The following NRXN2 variants were observed in gnomAD, a reference collection of about 807,000 sequenced individuals.
The protein encoded by NRXN2 is neurexin 2.
NRXN2 carries 29 observed loss-of-function variants against 128.8 expected under a neutral mutation model. The ratio of observed to expected loss-of-function variants is 0.23; its 90% confidence interval spans 0.17 to 0.31. The LOEUF (loss-of-function observed/expected upper bound fraction) is 0.31. Among genes scored for constraint, NRXN2 ranks in the 10% least tolerant of loss-of-function variants. The probability of loss-of-function intolerance (pLI) is 1.00; values close to 1 mark genes in which losing one functional copy is unlikely to be tolerated. For missense variants in NRXN2, 1,881 were observed against 2,452.6 expected (o/e 0.77, Z 4.92); for synonymous variants, 1,098 against 1,075.2 (o/e 1.02, Z -0.41).
chr11:64,673,936 G>A (rs1307707160), intron 7 of NRXN2, among the ~76,000 whole-genome samples: 2 of 151,692 alleles, frequency 1.3e-5, no homozygotes, highest in African/African-American at 4.8e-5. Context: ...TACTCAGGAG[G>A]CTGAGGCATA....
In NRXN2 at chr11:64,692,996, A is replaced by G. The variant is rs968284749; in HGVS notation, c.749-120T>C. On this transcript the variant is annotated intron_variant, in intron 3 of 22. Transcript: ENST00000265459. Reference sequence around the variant, plus strand: ...AATCAGCCAGAGAGAAGGGAGAAAAAAGCTTTTGCTGCCACAATTTAAAAA... The same window carrying G: ...AATCAGCCAGAGAGAAGGGAGAAAAGAGCTTTTGCTGCCACAATTTAAAAA... 5.8e-6 allele frequency: 5 copies of G among 858,500 alleles called. No individual in the cohort carries two copies. The African/African-American group carries it at 8.6e-5, about 15-fold the overall frequency. 53.2% of individuals were successfully genotyped at this position (858,500 alleles called of 1,614,324 possible). A position where few individuals can be genotyped will look rare whatever the true frequency, so the allele number is the denominator to read the frequency against.
At chr11:64,658,325 T>C (rs957505061) in intron 11 of NRXN2, among the ~76,000 whole-genome samples, 6 of 152,206 alleles carry the variant, frequency 3.9e-5, no homozygotes, top group African/African-American at 7.2e-5. Flanking sequence ...GAGCCACTTA[T>C]GGGGTCCTTG....
Position 64,608,483 on chromosome 11 carries a change from CTCTT to C in NRXN2, c.4253-405_4253-402del, listed in dbSNP as rs540364224. Among the ~76,000 whole-genome samples the C allele has an allele frequency of 6.6e-4, 95 of 143,044 alleles. No individual in the cohort carries two copies. In the South Asian group the frequency reaches 0.011, roughly 17 times the overall value. 93.8% of individuals were successfully genotyped at this position (143,044 alleles called of 152,430 possible). ...TTTAGGGTTTTTTTTCTAGATTTTT[CTCTT>C]TTTTTGCTTTTTTTTTTTTTTTTTG... On this transcript the variant is annotated intron_variant, in intron 22 of 22. Transcript: ENST00000265459.
At position 64,635,207 on chromosome 11, in the gene NRXN2, AGGGGCTG is replaced by A. The variant is rs1487863429; in HGVS notation, c.3585+57_3585+63del. The A allele has an allele frequency of 2.7e-5, 42 of 1,577,752 alleles. No homozygotes were observed. The highest frequency in any genetic ancestry group is 2.6e-6 in the Non-Finnish European group (3 of 1,150,084). ...TTGAGGTGCTGATCCCATGGCAATG[AGGGGCTG>A]AACTGATTTGGGAGCAGGAAGCTTG... is the stretch of plus-strand genomic sequence containing the variant. On this transcript the variant is annotated intron_variant, in intron 18 of 22. Coordinates refer to ENST00000265459, the MANE Select transcript of NRXN2 (RefSeq NM_015080.4). The surrounding 1 kb of genome is among the most constrained non-coding windows in gnomAD (Gnocchi z 4.8).
chr11:64,660,489 C>G lies in NRXN2; in HGVS notation c.2232G>C (p.Met744Ile). Residue 744 changes from methionine (M) to isoleucine (I), a missense_variant, in exon 11 of 23, where the codon ATG becomes ATC. This residue lies in a region of NRXN2 where 997 missense variants were observed against 1,240.8 expected (regional missense o/e 0.80). Coordinates refer to ENST00000265459, the MANE Select transcript of NRXN2 (RefSeq NM_015080.4). This position sits in a 1 kb window ranked among gnomAD's most constrained non-coding sequence, Gnocchi z 5.2. ...CCTCCGTGTGCATGGCGTTAGGCAG[C>G]ATGATCTTCATGTACATGGAGCCAT... Reference protein sequence around the residue: ...SYDGSMYMKIMLPNAMHTEAE... With the variant: ...SYDGSMYMKIILPNAMHTEAE... 2 of 1,614,204 alleles carry G rather than the reference C, an allele frequency of 1.2e-6. No individual in the cohort carries two copies. Among genetic ancestry groups the G allele is most frequent in the Non-Finnish European group, 1.7e-6 (2 of 1,180,032 alleles).
chr11:64,620,518 C>G (rs1449536595), intron 21 of NRXN2, 146 bp from the exon 22 acceptor site: 2 of 694,540 alleles, frequency 2.9e-6, no homozygotes, highest in Non-Finnish European at 5.2e-6. Flanking sequence ...CCTCCCATCT[C>G]TTGCTGGCTG....
At chr11:64,676,798 C>G (rs1275510933) in intron 7 of NRXN2, 195 bp downstream of exon 7, 1 of 619,302 alleles carries the variant, frequency 1.6e-6, no homozygotes, top group Non-Finnish European at 2.9e-6. Flanking sequence ...TCAGTTTGGA[C>G]CAAAAAAGAA....
intron 18 of NRXN2, among the ~76,000 whole-genome samples, chr11:64,633,985 C>T (rs1410684545): frequency 6.6e-6 from 1 of 152,190 alleles, no homozygotes; most frequent in Non-Finnish European, 1.5e-5. Context: ...CTCCTTCCTT[C>T]ACACCCTGGT....
At chr11:64,664,763 G>A (rs564910762) in intron 9 of NRXN2, among the ~76,000 whole-genome samples, 3 of 152,034 alleles carry the variant, frequency 2.0e-5, no homozygotes, top group East Asian at 3.9e-4. Flanking sequence ...AGGCCGAGGC[G>A]GGTGAATCAC....
intron 17 of NRXN2, among the ~76,000 whole-genome samples, chr11:64,647,929 T>C (rs1256139519): frequency 6.6e-6 from 1 of 152,176 alleles, no homozygotes; most frequent in African/African-American, 2.4e-5. Flanking sequence ...ACCTTTGGTT[T>C]TGGGTGAAGG....
intron 22 of NRXN2, among the ~76,000 whole-genome samples, chr11:64,617,414 T>A (rs2041707670): frequency 6.6e-6 from 1 of 152,192 alleles, no homozygotes; most frequent in Non-Finnish European, 1.5e-5. Flanking sequence ...GAGACAACTA[T>A]GAGTGGGTAC....
At chr11:64,637,412 G>A (rs2044897942) in intron 17 of NRXN2, 1 of 152,252 alleles carries the variant, frequency 6.6e-6, no homozygotes, top group Non-Finnish European at 1.5e-5. Flanking sequence ...CACCTGCCTG[G>A]AAGGGCAGCG....
At chr11:64,719,105 GA>G (rs1378121320) in intron 1 of NRXN2, among the ~76,000 whole-genome samples, 5 of 151,846 alleles carry the variant, frequency 3.3e-5, no homozygotes, top group Admixed American at 1.3e-4. Flanking sequence ...ACTAACGTGT[GA>G]AAAAAAAGTG....
chr11:64,663,353 C>A (rs568888957), intron 9 of NRXN2, among the ~76,000 whole-genome samples: 2 of 148,872 alleles, frequency 1.3e-5, no homozygotes, highest in Admixed American at 1.3e-4. Flanking sequence ...GCAGCCTGGG[C>A]GACAAGAGCA....
chr11:64,641,934 T>C (rs2045736980), intron 17 of NRXN2, among the ~76,000 whole-genome samples: 1 of 151,440 alleles, frequency 6.6e-6, no homozygotes, highest in Non-Finnish European at 1.5e-5. Flanking sequence ...TGGGAGGTGA[T>C]GGAAGGCCAG....
At chr11:64,681,420 T>C (rs1230866053) in intron 6 of NRXN2, among the ~76,000 whole-genome samples, 2 of 152,032 alleles carry the variant, frequency 1.3e-5, no homozygotes, top group Non-Finnish European at 2.9e-5. Context: ...ACGGCTCAAA[T>C]ACACGTTTCC....
In NRXN2 at chr11:64,635,449, C is replaced by G; in HGVS notation, c.3407G>C (p.Gly1136Ala). The G allele has an allele frequency of 6.2e-7, 1 of 1,613,706 alleles. No homozygotes were observed. Among genetic ancestry groups the G allele is most frequent in the Non-Finnish European group, 8.5e-7 (1 of 1,179,988 alleles). Residue 1136 changes from glycine to alanine, a missense_variant, in exon 18 of 23, where the codon GGG (glycine) becomes GCG (alanine). Gly to Ala is a moderately conservative substitution (Grantham distance 60). This residue lies in a region of NRXN2 where 390 missense variants were observed against 599.6 expected (regional missense o/e 0.65). Transcript: ENST00000265459. The surrounding 1 kb of genome is among the most constrained non-coding windows in gnomAD (Gnocchi z 4.8). ...SYGGPVCNDP[G>A]TTYIFGKGGA... is the part of the protein sequence containing the mutation. ...CCCCTTCCCAAAGATGTATGTGGTC[C>G]CGGCTGCAGAGAGAAGGAAAGGGAG... is the stretch of plus-strand genomic sequence containing the variant.
chr11:64,684,713 C>T (rs1234250683), intron 6 of NRXN2, among the ~76,000 whole-genome samples: 1 of 152,198 alleles, frequency 6.6e-6, no homozygotes, highest in Non-Finnish European at 1.5e-5. Context: ...TTAGCCACCA[C>T]ACCGCTAGAA....
intron 7 of NRXN2, among the ~76,000 whole-genome samples, chr11:64,672,034 C>A (rs1010571103): frequency 6.6e-6 from 1 of 152,146 alleles, no homozygotes; most frequent in South Asian, 2.1e-4. Context: ...ACAAGCAGGC[C>A]GAGTGGGTAC....
Sources: allele counts gnomAD v4.1 joint callset (sites outside exome capture counted in the v4.1 genomes callset), GRCh38; gene constraint gnomAD v4.1.1; regional missense constraint gnomAD v4.1.1; non-coding constraint Gnocchi (gnomAD v3.1); transcripts MANE v1.5; gene names NCBI Gene and HGNC (gene_info 2026-07-23, HGNC 2026-07-21).